PHKA2: variants seen among roughly 807,000 people sequenced by gnomAD.
PHKA2 encodes phosphorylase b kinase regulatory subunit alpha, liver isoform.
PHKA2 carries 31 observed loss-of-function variants against 102.0 expected under a neutral mutation model. The ratio of observed to expected loss-of-function variants is 0.30; its 90% CI spans 0.23 to 0.41. PHKA2 has a LOEUF of 0.41. Ranked by LOEUF, PHKA2 falls within the 10% of genes least tolerant of loss-of-function variation. The pLI, the probability that PHKA2 is intolerant of heterozygous loss-of-function variation, is 1.00. For synonymous variants in PHKA2, 455 were observed against 416.2 expected (o/e 1.09, Z -1.13); for missense variants, 858 against 1,023.1 (o/e 0.84, Z 2.20).
intron 1 of PHKA2, 64 bp downstream of exon 1, chrX:18,983,791 G>T: frequency 1.1e-6 from 1 of 950,387 alleles, no homozygotes; most frequent in Non-Finnish European, 1.5e-6. Context: ...GCCAGACCTG[G>T]GAAGGAGAAT....
chrX:18,949,540 T>C (rs916087228), intron 4 of PHKA2, among the ~76,000 whole-genome samples: 1 of 112,042 alleles, frequency 8.9e-6, no homozygotes, highest in African/African-American at 3.2e-5. Flanking sequence ...ACATTAGTTA[T>C]AGTAGCAAAA....
rs755485442 is a variant in PHKA2 at position 18,942,824 on chromosome X, G to C, written c.717+886C>G. 6.8e-3 allele frequency among the ~76,000 whole-genome samples: 713 copies of C among 104,984 alleles called. 1 individual carries two copies. The highest frequency in any genetic ancestry group is 0.014 in the Middle Eastern group (3 of 207). 91.2% of individuals were successfully genotyped at this position (104,984 alleles called of 115,157 possible). A position where few individuals can be genotyped will look rare whatever the true frequency, so the allele number is the denominator to read the frequency against. On this transcript the variant is annotated intron_variant, in intron 7 of 32. Transcript: ENST00000379942. ...GATTGCACCACTGCACTCCAGCCTAGGCGATAGAGTAAGACCTCCTCTTAA... is the reference window on the plus strand; with the variant it reads ...GATTGCACCACTGCACTCCAGCCTACGCGATAGAGTAAGACCTCCTCTTAA...
intron 1 of PHKA2, among the ~76,000 whole-genome samples, chrX:18,980,033 C>CTTTT (rs1168118363): frequency 4.1e-4 from 46 of 112,558 alleles, no homozygotes; most frequent in African/African-American, 1.4e-3. Flanking sequence ...CTCACAAAAA[C>CTTTT]ATGTGTTGTA....
intron 27 of PHKA2, 67 bp from the exon 28 acceptor site, chrX:18,900,766 G>GCCCTCT: frequency 1.0e-6 from 1 of 990,698 alleles, no homozygotes; most frequent in Non-Finnish European, 1.4e-6. Flanking sequence ...TTCTTCTATT[G>GCCCTCT]CCCTCTCTCT....
intron 10 of PHKA2, 61 bp from the exon 11 acceptor site, chrX:18,936,211 C>T (rs1021555332): frequency 6.4e-6 from 5 of 776,250 alleles, no homozygotes; most frequent in East Asian, 3.3e-5. Flanking sequence ...GCTGTAACAG[C>T]GGTGCAACAT....
At position 18,903,323 on chromosome X, in the gene PHKA2, A is replaced by G. The variant is rs16980920; in HGVS notation, c.2909-1720T>C. ...TTAATATTTTTCTAAAGGGTTCGTC[A>G]TGACTAATGTGTAGGACCCACATGG... On this transcript the variant is annotated intron_variant, in intron 26 of 32. Transcript: ENST00000379942. 6.2e-3 allele frequency among the ~76,000 whole-genome samples: 702 copies of G among 112,533 alleles called. 6 individuals are homozygous for G. Among genetic ancestry groups the G allele is most frequent in the African/African-American group, 0.022 (668 of 30,988 alleles).
chrX:18,910,306 C>G (rs1021897495), intron 20 of PHKA2, among the ~76,000 whole-genome samples: 2 of 111,461 alleles, frequency 1.8e-5, no homozygotes, highest in African/African-American at 6.5e-5. Context: ...ATGGTAAAAC[C>G]CTGTCTCTAC....
At chrX:18,916,492 T>G (rs1333898077) in intron 19 of PHKA2, among the ~76,000 whole-genome samples, 1 of 112,070 alleles carries the variant, frequency 8.9e-6, no homozygotes, top group African/African-American at 3.2e-5. Context: ...TCAAATCTCA[T>G]GTTGAAATGT....
chrX:18,929,400 C>A, intron 12 of PHKA2, 94 bp from the exon 13 acceptor site: 1 of 596,996 alleles, frequency 1.7e-6, no homozygotes, highest in Non-Finnish European at 2.8e-6. Flanking sequence ...TGGGGCTCAA[C>A]ATATTCAAGA....
At chrX:18,924,861 T>G (rs1328840478) in intron 15 of PHKA2, among the ~76,000 whole-genome samples, 1 of 112,226 alleles carries the variant, frequency 8.9e-6, no homozygotes, top group Non-Finnish European at 1.9e-5. Context: ...GGCTATGGGT[T>G]CGAAGATGCT....
At chrX:18,940,172 C>T (rs1601761035) in intron 8 of PHKA2, 124 bp from the exon 9 acceptor site, 1 of 540,537 alleles carries the variant, frequency 1.9e-6, no homozygotes, top group African/African-American at 2.3e-5. Context: ...GTGTTCTTTG[C>T]TGTCAGTATA....
At chrX:18,941,417 T>C (rs999677032) in intron 8 of PHKA2, 112 bp downstream of exon 8, 6 of 678,882 alleles carry the variant, frequency 8.8e-6, no homozygotes, top group Non-Finnish European at 1.4e-5. Context: ...GAACGCTGTA[T>C]GCATCTGCTT....
At chrX:18,927,173 G>A (rs1278933157) in intron 13 of PHKA2, among the ~76,000 whole-genome samples, 1 of 111,402 alleles carries the variant, frequency 9.0e-6, no homozygotes, top group Non-Finnish European at 1.9e-5. Context: ...CCCACCGGTG[G>A]GGAAAAAGCA....
At chrX:18,894,120 G>C in intron 32 of PHKA2, 84 bp downstream of exon 32, 1 of 886,718 alleles carries the variant, frequency 1.1e-6, no homozygotes, top group South Asian at 2.0e-5. Flanking sequence ...TTCTTGGTTC[G>C]AGTATATTCT....
intron 1 of PHKA2, among the ~76,000 whole-genome samples, chrX:18,966,019 A>G (rs1457647736): frequency 9.3e-6 from 1 of 107,245 alleles, no homozygotes; most frequent in East Asian, 2.9e-4. Flanking sequence ...CAGGGCTGTC[A>G]GCTCACGAGA....
intron 19 of PHKA2, among the ~76,000 whole-genome samples, chrX:18,911,908 C>T (rs183983007): frequency 1.8e-5 from 2 of 112,169 alleles, no homozygotes; most frequent in African/African-American, 6.5e-5. Flanking sequence ...AGAGGGCAGA[C>T]CATTTGTCCA....
At chrX:18,970,439 T>C (rs1601800656) in intron 1 of PHKA2, among the ~76,000 whole-genome samples, 1 of 112,226 alleles carries the variant, frequency 8.9e-6, no homozygotes, top group East Asian at 2.8e-4. Context: ...CATTCAACTT[T>C]AAATGTTTGA....
intron 13 of PHKA2, among the ~76,000 whole-genome samples, chrX:18,927,073 C>G (rs2048223201): frequency 8.9e-6 from 1 of 111,787 alleles, no homozygotes; most frequent in Admixed American, 9.4e-5. Context: ...AGGGGACATC[C>G]TTCCCTCTAG....
rs142176794 is a variant in PHKA2 at position 18,892,546 on chromosome X, A to G, written c.*939T>C. The G allele has an allele frequency of 6.5e-3, 730 of 111,499 alleles. 6 individuals carry two copies. Among genetic ancestry groups the G allele is most frequent in the African/African-American group, 0.023 (695 of 30,653 alleles). 9.2% of individuals were successfully genotyped at this position (111,499 alleles called of 1,213,427 possible). ...GGGTACAGGTTCCTAGCCTGGCTCT[A>G]TTTTTCAGAGGGAAGCATTGTTTCT... is the stretch of plus-strand genomic sequence containing the variant. On this transcript the variant is annotated 3_prime_UTR_variant, in exon 33 of 33. Coordinates refer to ENST00000379942, the MANE Select transcript of PHKA2 (RefSeq NM_000292.3).
Sources: gnomAD v4.1 joint callset for allele counts (sites outside exome capture counted in the v4.1 genomes callset) on GRCh38, gnomAD v4.1.1 for gene constraint, MANE v1.5 for transcripts, NCBI Gene and HGNC (gene_info 2026-07-23, HGNC 2026-07-21) for gene names.